Variants in MARCHF3 observed in about 807,000 individuals in gnomAD.
MARCHF3 encodes E3 ubiquitin-protein ligase MARCHF3.
A neutral mutation model predicts 24.2 loss-of-function variants in MARCHF3; 13 were observed. The observed-to-expected ratio is 0.54, with a 90% CI of 0.35 to 0.85. MARCHF3 has a LOEUF of 0.85. Ranked by LOEUF, MARCHF3 falls within the 40% of genes least tolerant of loss-of-function variation. The pLI is 0.01. For missense variants in MARCHF3, 276 were observed against 325.0 expected, an observed-to-expected ratio of 0.85 and a Z score of 1.16; for synonymous variants, 144 against 137.3, an observed-to-expected ratio of 1.05 and a Z score of -0.34.
chr5:126,998,477 G>T (rs575902405), intron 1 of MARCHF3, among the ~76,000 whole-genome samples: 3 of 151,846 alleles, frequency 2.0e-5, no homozygotes, highest in Admixed American at 6.5e-5. Flanking sequence ...CAACATGCTT[G>T]TTCCTTGACT....
chr5:127,012,352 AC>A (rs1752499161), intron 1 of MARCHF3, among the ~76,000 whole-genome samples: 1 of 152,228 alleles, frequency 6.6e-6, no homozygotes, highest in South Asian at 2.1e-4. Flanking sequence ...TAAAAAAGCA[AC>A]CTGTGAAAAT....
intron 1 of MARCHF3, among the ~76,000 whole-genome samples, chr5:127,006,388 A>G (rs1464654242): frequency 1.3e-5 from 2 of 152,146 alleles, no homozygotes; most frequent in Non-Finnish European, 2.9e-5. Context: ...AATTTATTTT[A>G]CATAGCTGAG....
intron 1 of MARCHF3, among the ~76,000 whole-genome samples, chr5:126,932,125 T>C (rs1385658532): frequency 6.6e-6 from 1 of 152,232 alleles, no homozygotes; most frequent in Non-Finnish European, 1.5e-5. Context: ...GTTTCCAGGG[T>C]GCCCTGTTGC....
At chr5:126,984,799 G>A (rs1751506667) in intron 1 of MARCHF3, among the ~76,000 whole-genome samples, 1 of 152,148 alleles carries the variant, frequency 6.6e-6, no homozygotes, top group African/African-American at 2.4e-5. Context: ...AATACTTGGA[G>A]GATTATTTAA....
At chr5:126,902,520 T>A (rs980221069) in intron 3 of MARCHF3, among the ~76,000 whole-genome samples, 1 of 152,006 alleles carries the variant, frequency 6.6e-6, no homozygotes, top group African/African-American at 2.4e-5. Flanking sequence ...GGTTATGGAA[T>A]TCTTTTTATA....
At chr5:126,890,640 G>A (rs1226667484) in intron 3 of MARCHF3, among the ~76,000 whole-genome samples, 1 of 151,796 alleles carries the variant, frequency 6.6e-6, no homozygotes, top group Admixed American at 6.6e-5. Flanking sequence ...TGGCTGCATA[G>A]TATTCCATGG....
intron 3 of MARCHF3, among the ~76,000 whole-genome samples, chr5:126,903,624 G>A (rs2126784484): frequency 6.6e-6 from 1 of 150,920 alleles, no homozygotes; most frequent in Admixed American, 6.6e-5. Context: ...CTCCACCTAA[G>A]TCTCGTGTGT....
intron 1 of MARCHF3, among the ~76,000 whole-genome samples, chr5:126,944,370 G>A (rs1440183328): frequency 6.6e-6 from 1 of 152,054 alleles, no homozygotes; most frequent in Non-Finnish European, 1.5e-5. Context: ...GGGTGAAGTG[G>A]GTGGATGGCT....
intron 1 of MARCHF3, among the ~76,000 whole-genome samples, chr5:126,958,613 G>T (rs1022738475): frequency 1.3e-5 from 2 of 152,080 alleles, no homozygotes; most frequent in African/African-American, 2.4e-5. Context: ...AGGGTGTCAG[G>T]ACTGGGAAGT....
chr5:126,962,517 C>A (rs1211930809), intron 1 of MARCHF3, among the ~76,000 whole-genome samples: 1 of 151,724 alleles, frequency 6.6e-6, no homozygotes, highest in Non-Finnish European at 1.5e-5. Flanking sequence ...AAATAGGAAA[C>A]TTTTTCATTG....
At chr5:126,974,497 A>C (rs979192639) in intron 1 of MARCHF3, among the ~76,000 whole-genome samples, 19 of 152,198 alleles carry the variant, frequency 1.2e-4, no homozygotes, top group African/African-American at 4.1e-4. Context: ...AGAGGGAAAA[A>C]AAAGTAACCT....
In MARCHF3 at chr5:126,987,029, AT is replaced by A. The variant is rs766387125; in HGVS notation, c.-57+43320del. On this transcript the variant is annotated intron_variant, in intron 1 of 4. Coordinates refer to ENST00000308660, the MANE Select transcript of MARCHF3 (RefSeq NM_178450.5). Reference sequence around the variant, plus strand: ...CTAGTCTATATGTTGCTGTGAGGGTATTTGTGGATGTGATGAACAGTTACAA... The same window carrying A: ...CTAGTCTATATGTTGCTGTGAGGGTATTGTGGATGTGATGAACAGTTACAA... Among the ~76,000 whole-genome samples the A allele has an allele frequency of 6.6e-4, 101 of 152,308 alleles. 2 individuals carry two copies. The highest frequency in any genetic ancestry group is 3.7e-4 in the Non-Finnish European group (25 of 68,024).
chr5:127,025,283 C>G (rs1752957318), intron 1 of MARCHF3, among the ~76,000 whole-genome samples: 3 of 148,348 alleles, frequency 2.0e-5, no homozygotes, highest in Admixed American at 6.7e-5. Flanking sequence ...CTGATTAGAC[C>G]CAGAGATGAG....
intron 3 of MARCHF3, among the ~76,000 whole-genome samples, chr5:126,893,569 G>C (rs1191583340): frequency 6.6e-6 from 1 of 151,568 alleles, no homozygotes; most frequent in Non-Finnish European, 1.5e-5. Flanking sequence ...TTCAGGAGCA[G>C]GTTGTTCAGT....
chr5:126,892,495 T>G (rs2126776567), intron 3 of MARCHF3, among the ~76,000 whole-genome samples: 1 of 148,678 alleles, frequency 6.7e-6, no homozygotes, highest in East Asian at 2.0e-4. Flanking sequence ...GTTTTTAGCA[T>G]GAAGGGTTGT....
intron 1 of MARCHF3, among the ~76,000 whole-genome samples, chr5:126,980,375 CT>C (rs113887843): frequency 2.5e-3 from 359 of 142,628 alleles, no homozygotes; most frequent in Middle Eastern, 7.2e-3. Context: ...TGATTCATTC[CT>C]TTTTTTTTTT....
chr5:127,003,462 C>T (rs1207553955), intron 1 of MARCHF3, among the ~76,000 whole-genome samples: 5 of 106,406 alleles, frequency 4.7e-5, no homozygotes, highest in African/African-American at 1.8e-4. Flanking sequence ...AGCGAGACTC[C>T]GTCTCAAAGG....
intron 1 of MARCHF3, among the ~76,000 whole-genome samples, chr5:126,950,734 C>T (rs1379758038): frequency 6.6e-6 from 1 of 152,174 alleles, no homozygotes; most frequent in Non-Finnish European, 1.5e-5. Context: ...TTATTTCTTC[C>T]ACCTCAAAAA....
chr5:126,948,608 T>C (rs1561441987), intron 1 of MARCHF3, among the ~76,000 whole-genome samples: 1 of 152,220 alleles, frequency 6.6e-6, no homozygotes, highest in Non-Finnish European at 1.5e-5. Flanking sequence ...CATGGAGTTC[T>C]GTATAGTGAT....
Sources: allele counts gnomAD v4.1 joint callset (sites outside exome capture counted in the v4.1 genomes callset), GRCh38; gene constraint gnomAD v4.1.1; transcripts MANE v1.5; gene names NCBI Gene and HGNC (gene_info 2026-07-23, HGNC 2026-07-21).